ARHGAP25: variants seen among roughly 807,000 people sequenced by gnomAD.
The protein encoded by ARHGAP25 is Rho GTPase activating protein 25.
ARHGAP25 carries 34 observed loss-of-function variants against 71.0 expected under a neutral mutation model. The observed-to-expected ratio is 0.48, with a 90% CI of 0.36 to 0.64. The LOEUF is 0.64. Ranked by LOEUF, ARHGAP25 falls within the 30% of genes least tolerant of loss-of-function variation. ARHGAP25 has a pLI of 0.00. For synonymous variants in ARHGAP25, 282 were observed against 296.5 expected, an observed-to-expected ratio of 0.95 and a Z score of 0.50; for missense variants, 706 against 805.1, an observed-to-expected ratio of 0.88 and a Z score of 1.49.
intron 7 of ARHGAP25, 93 bp from the exon 8 acceptor site, chr2:68,817,780 T>TTG: frequency 1.4e-6 from 2 of 1,471,996 alleles, no homozygotes; most frequent in Non-Finnish European, 1.9e-6. Flanking sequence ...GAGGAAAGCA[T>TTG]TGGATCCATC....
intron 1 of ARHGAP25, among the ~76,000 whole-genome samples, chr2:68,772,030 G>T (rs1428289763): frequency 1.3e-5 from 2 of 152,128 alleles, no homozygotes; most frequent in Non-Finnish European, 2.9e-5. Flanking sequence ...ACGCACACGT[G>T]CTCCTAGGAG....
At chr2:68,774,817 A>G (rs1677750275) in intron 1 of ARHGAP25, 21 of 1,113,736 alleles carry the variant, frequency 1.9e-5, no homozygotes, top group Non-Finnish European at 2.1e-5. Context: ...CTTCAGAGTG[A>G]GGCATTATTT....
intron 6 of ARHGAP25, among the ~76,000 whole-genome samples, chr2:68,814,227 C>T (rs1681041184): frequency 6.6e-6 from 1 of 152,136 alleles, no homozygotes; most frequent in Admixed American, 6.5e-5. Flanking sequence ...CTTGATTTTG[C>T]CATTAGACAA....
intron 1 of ARHGAP25, among the ~76,000 whole-genome samples, chr2:68,743,433 G>A (rs1490689073): frequency 6.6e-6 from 1 of 152,102 alleles, no homozygotes; most frequent in Non-Finnish European, 1.5e-5. Context: ...TATAATTGTG[G>A]GGGAAGAGCA....
chr2:68,732,905 A>G (rs74614120), upstream of ARHGAP25, among the ~76,000 whole-genome samples: 1,841 of 152,330 alleles, frequency 0.012, 37 homozygotes, highest in African/African-American at 0.042. Flanking sequence ...GTTTGGATAC[A>G]TTTAGTTTGA....
chr2:68,739,332 C>T (rs1222885597), intron 1 of ARHGAP25, among the ~76,000 whole-genome samples: 1 of 152,208 alleles, frequency 6.6e-6, no homozygotes, highest in Non-Finnish European at 1.5e-5. Context: ...CGTGGGTATA[C>T]ATCACTATAA....
chr2:68,821,443 T>C (rs1487026782), intron 9 of ARHGAP25, among the ~76,000 whole-genome samples: 3 of 152,192 alleles, frequency 2.0e-5, no homozygotes, highest in African/African-American at 7.2e-5. Flanking sequence ...TAAATAACTC[T>C]GGGACCTCCT....
At chr2:68,741,217 C>T (rs998285393) in intron 1 of ARHGAP25, among the ~76,000 whole-genome samples, 4 of 152,114 alleles carry the variant, frequency 2.6e-5, no homozygotes, top group African/African-American at 7.2e-5. Flanking sequence ...TTATAGCTTC[C>T]CTGCAAGTAA....
intron 2 of ARHGAP25, among the ~76,000 whole-genome samples, chr2:68,715,694 A>G (rs1325135474): frequency 1.3e-5 from 2 of 152,306 alleles, no homozygotes; most frequent in Non-Finnish European, 2.9e-5. Flanking sequence ...CCAGAGCCCC[A>G]AGAGTAACCA....
chr2:68,782,333 A>T lies in ARHGAP25; in HGVS notation c.349+13A>T. On this transcript the variant is annotated intron_variant, in intron 3 of 10. Coordinates refer to ENST00000409202, the MANE Select transcript of ARHGAP25 (RefSeq NM_001007231.3). Reference sequence around the variant, plus strand: ...GAAATCATTCCAGGTAGGCCACCACAGGTAGGACAGAGGTGCAGTGCAGAA... The same window carrying T: ...GAAATCATTCCAGGTAGGCCACCACTGGTAGGACAGAGGTGCAGTGCAGAA... 6.2e-7 allele frequency: 1 copy of T among 1,613,018 alleles called. No homozygotes were observed. Among genetic ancestry groups the T allele is most frequent in the East Asian group, 2.2e-5 (1 of 44,862 alleles).
chr2:68,788,934 C>T (rs1362600017), intron 4 of ARHGAP25, among the ~76,000 whole-genome samples: 4 of 152,132 alleles, frequency 2.6e-5, no homozygotes, highest in Non-Finnish European at 5.9e-5. Flanking sequence ...AAAAATATTC[C>T]ACCAGAGGCA....
rs4241344 is a variant in ARHGAP25 at position 68,822,807 on chromosome 2, G to T, written c.1668G>T (p.Arg556Ser). ...SGEEEIDSLQRMVQELRKEIE... is the reference protein window; with the variant it reads ...SGEEEIDSLQSMVQELRKEIE... ...AAGAGGAAATTGATTCTTTGCAGAG[G>T]ATGGTCCAAGAGCTACGAAAGGAAA... Residue 556 changes from arginine to serine, a missense_variant, in exon 10 of 11, where the codon AGG (arginine) becomes AGT (serine). Coordinates refer to ENST00000409202, the MANE Select transcript of ARHGAP25 (RefSeq NM_001007231.3). 0.2 allele frequency: 325,904 copies of T among 1,613,940 alleles called. 35,045 individuals carry two copies. Among genetic ancestry groups the T allele is most frequent in the East Asian group, 0.4 (17,815 of 44,874 alleles).
chr2:68,793,391 T>A (rs1679326645), intron 4 of ARHGAP25, among the ~76,000 whole-genome samples: 1 of 152,196 alleles, frequency 6.6e-6, no homozygotes, highest in Non-Finnish European at 1.5e-5. Context: ...ATTCTAGCTT[T>A]ACTCTAGGTT....
At chr2:68,774,849 C>T in intron 1 of ARHGAP25, 1 of 1,218,376 alleles carries the variant, frequency 8.2e-7, no homozygotes, top group South Asian at 1.8e-5. Context: ...TTGTCAGATA[C>T]TGACTCCCAC....
chr2:68,778,197 C>T (rs1233927144), intron 2 of ARHGAP25, among the ~76,000 whole-genome samples: 2 of 152,070 alleles, frequency 1.3e-5, no homozygotes, highest in East Asian at 3.8e-4. Context: ...GTGGTAGGGG[C>T]TAACTTATAT....
chr2:68,794,123 C>A (rs771547464), intron 4 of ARHGAP25, among the ~76,000 whole-genome samples: 2 of 152,034 alleles, frequency 1.3e-5, no homozygotes, highest in African/African-American at 2.4e-5. Flanking sequence ...GATTTTATAT[C>A]CTGAAACTTT....
chr2:68,718,412 C>G (rs142851970), intron 2 of ARHGAP25, among the ~76,000 whole-genome samples: 9 of 152,310 alleles, frequency 5.9e-5, no homozygotes, highest in African/African-American at 1.4e-4. Flanking sequence ...CTCTTCTTAC[C>G]TCCTTCTTAT....
chr2:68,720,815 C>T (rs1674745006), intron 2 of ARHGAP25, among the ~76,000 whole-genome samples: 1 of 152,174 alleles, frequency 6.6e-6, no homozygotes, highest in Non-Finnish European at 1.5e-5. Context: ...ATTGTTTGCA[C>T]ACGTACTGGG....
At chr2:68,824,585 A>G (rs1239150003) in intron 10 of ARHGAP25, among the ~76,000 whole-genome samples, 3 of 152,184 alleles carry the variant, frequency 2.0e-5, no homozygotes, top group African/African-American at 4.8e-5. Flanking sequence ...TCCTAAAAAT[A>G]TAAAACATTA....
Sources: allele counts gnomAD v4.1 joint callset (sites outside exome capture counted in the v4.1 genomes callset), GRCh38; gene constraint gnomAD v4.1.1; transcripts MANE v1.5; gene names NCBI Gene and HGNC (gene_info 2026-07-23, HGNC 2026-07-21).